UBR2: variants seen among roughly 807,000 people sequenced by gnomAD.
The protein encoded by UBR2 is E3 ubiquitin-protein ligase UBR2.
A neutral mutation model predicts 247.9 loss-of-function variants in UBR2; 92 were observed. The observed-to-expected ratio is 0.37, with a 90% CI of 0.31 to 0.44. UBR2 has a LOEUF of 0.44. Ranked by LOEUF, UBR2 falls within the 20% of genes least tolerant of loss-of-function variation. The pLI, the probability that UBR2 is intolerant of heterozygous loss-of-function variation, is 1.00. For missense variants in UBR2, 1,613 were observed against 2,112.6 expected (o/e 0.76, Z 4.64); for synonymous variants, 672 against 693.5 (o/e 0.97, Z 0.49).
At chr6:42,631,935 T>C (rs7773898) in intron 11 of UBR2, among the ~76,000 whole-genome samples, 32 of 139,442 alleles carry the variant, frequency 2.3e-4, no homozygotes, top group Admixed American at 1.6e-3. Flanking sequence ...CACATACATA[T>C]ACCATCTCTG....
rs767880366 is a variant in UBR2, at chr6:42,663,299, A to T, written c.3578A>T (p.Gln1193Leu). ...SVQAKEQRRQ[Q>L]RLRLHTSYDV... Reference sequence around the variant, plus strand: ...CAAGCTAAAGAACAGCGAAGGCAACAGAGATTACGCTTACATACGAGCTAT... The same window carrying T: ...CAAGCTAAAGAACAGCGAAGGCAACTGAGATTACGCTTACATACGAGCTAT... Residue 1193 changes from glutamine to leucine, a missense_variant, in exon 32 of 47, where the codon CAG (glutamine) becomes CTG (leucine). By Grantham distance (113) the Gln-to-Leu change is moderately radical (BLOSUM62 -2). This residue lies in a region of UBR2 where 1,524 missense variants were observed against 1,967.3 expected (regional missense o/e 0.77). Transcript: ENST00000372901. 1.9e-6 allele frequency: 3 copies of T among 1,612,918 alleles called. No individual in the cohort carries two copies. Among genetic ancestry groups the T allele is most frequent in the Non-Finnish European group, 2.5e-6 (3 of 1,179,676 alleles).
chr6:42,654,713 C>T lies in UBR2; in HGVS notation c.2770-908C>T, dbSNP rs149558901. On this transcript the variant is annotated intron_variant, in intron 25 of 46. Coordinates refer to ENST00000372901, the MANE Select transcript of UBR2 (RefSeq NM_001363705.2). ...CTCTAGCCTGGGCAACAGAGGGAGA[C>T]TCCGTCTCAAAAAACAAAAAAACTT... is the stretch of plus-strand genomic sequence containing the variant. 3.8e-3 allele frequency among the ~76,000 whole-genome samples: 575 copies of T among 152,184 alleles called. 1 individual carries two copies. Among genetic ancestry groups the T allele is most frequent in the Middle Eastern group, 6.8e-3 (2 of 294 alleles).
chr6:42,596,522 CA>C (rs765218848), intron 4 of UBR2, among the ~76,000 whole-genome samples: 1 of 152,106 alleles, frequency 6.6e-6, no homozygotes, highest in Non-Finnish European at 1.5e-5. Flanking sequence ...TGAGCAAGTA[CA>C]TGCACACACA....
intron 11 of UBR2, among the ~76,000 whole-genome samples, chr6:42,630,421 G>A (rs967195121): frequency 6.6e-6 from 1 of 151,626 alleles, no homozygotes; most frequent in South Asian, 2.1e-4. Context: ...CCTGACCTTA[G>A]GTGATCCACC....
chr6:42,607,500 C>T (rs545035829), intron 7 of UBR2, among the ~76,000 whole-genome samples: 110 of 151,272 alleles, frequency 7.3e-4, no homozygotes, highest in Non-Finnish European at 1.4e-3. Context: ...ATATGGAGGC[C>T]CCTGTATTAT....
intron 2 of UBR2, among the ~76,000 whole-genome samples, chr6:42,577,105 C>T (rs1225030999): frequency 6.6e-6 from 1 of 152,136 alleles, no homozygotes; most frequent in Non-Finnish European, 1.5e-5. Context: ...ATGAATATCT[C>T]ATTTTAAAAG....
chr6:42,654,721 C>CA (rs1562364346), intron 25 of UBR2, among the ~76,000 whole-genome samples: 1 of 151,740 alleles, frequency 6.6e-6, no homozygotes, highest in East Asian at 1.9e-4. Context: ...GACTCCGTCT[C>CA]AAAAAACAAA....
At position 42,652,146 on chromosome 6, in the gene UBR2, G is replaced by T. The variant is rs544132574; in HGVS notation, c.2614+75G>T. 9.6e-6 allele frequency: 13 copies of T among 1,350,878 alleles called. No homozygotes were observed. The African/African-American group carries it at 1.9e-4, about 20-fold the overall frequency. The allele number at this position is 1,350,878 out of a possible 1,614,324, so 83.7% of individuals were successfully genotyped here. On this transcript the variant is annotated intron_variant, in intron 24 of 46. Coordinates refer to ENST00000372901, the MANE Select transcript of UBR2 (RefSeq NM_001363705.2). ...AACATTGTTTTCTGTTAACTATGAT[G>T]ATTGTCCTTGGTGGAATGAATATTT... is the stretch of plus-strand genomic sequence containing the variant.
At chr6:42,642,390 C>T (rs1325343327) in intron 17 of UBR2, 26 bp from the exon 18 acceptor site, 1 of 1,507,222 alleles carries the variant, frequency 6.6e-7, no homozygotes, top group South Asian at 1.2e-5. Context: ...AAACTATTTA[C>T]TCAATATAAT....
Position 42,632,419 on chromosome 6 carries a change from A to G in UBR2, c.1282-133A>G, listed in dbSNP as rs537664789. On this transcript the variant is annotated intron_variant, in intron 11 of 46. Transcript: ENST00000372901. ...AATTGTTATTTAGAAATACACAGTA[A>G]TGCATTTATGATATATAGTTGTGTT... The G allele has an allele frequency of 2.4e-5, 17 of 695,724 alleles. No individual in the cohort carries two copies. The South Asian group carries it at 5.5e-4, about 22-fold the overall frequency. The allele number at this position is 695,724 out of a possible 1,614,324, so 43.1% of individuals were successfully genotyped here. A position where few individuals can be genotyped will look rare whatever the true frequency, so the allele number is the denominator to read the frequency against.
intron 11 of UBR2, among the ~76,000 whole-genome samples, chr6:42,623,461 G>GT (rs982097041): frequency 4.0e-4 from 61 of 151,702 alleles, no homozygotes; most frequent in Non-Finnish European, 6.0e-4. Context: ...TTGGTTTTGG[G>GT]TTTTTTTTGA....
chr6:42,632,072 AT>A (rs869252125), intron 11 of UBR2, among the ~76,000 whole-genome samples: 3,287 of 75,936 alleles, frequency 0.043, 56 homozygotes, highest in East Asian at 0.12. Flanking sequence ...AAAAAAAAAT[AT>A]ATATATATAT....
intron 28 of UBR2, 30 bp from the exon 29 acceptor site, chr6:42,658,616 A>G: frequency 6.4e-7 from 1 of 1,563,642 alleles, no homozygotes; most frequent in Non-Finnish European, 8.6e-7. Context: ...TTAGCATCTA[A>G]TTGTCTAATT....
In UBR2 at chr6:42,595,887, A is replaced by G. The variant is rs1281402833; in HGVS notation, c.531+1583A>G. Among the ~76,000 whole-genome samples, 3 of 152,064 alleles carry G rather than the reference A, an allele frequency of 2.0e-5. No individual in the cohort carries two copies. In the East Asian group the frequency reaches 5.8e-4, roughly 29 times the overall value. On this transcript the variant is annotated intron_variant, in intron 4 of 46. Coordinates refer to ENST00000372901, the MANE Select transcript of UBR2 (RefSeq NM_001363705.2). ...CATTTGCTTTGTGAAAGGGTTCTGT[A>G]ATTTGCTACAGTAAGATGCCAAGTG...
At chr6:42,632,956 CTCT>C (rs1795843502) in intron 13 of UBR2, 52 bp downstream of exon 13, 4 of 929,856 alleles carry the variant, frequency 4.3e-6, no homozygotes, top group Admixed American at 9.3e-5. Flanking sequence ...TTTCTCTTTT[CTCT>C]TTTTTTTTTT....
chr6:42,564,226 G>T lies in UBR2; in HGVS notation c.-94G>T, dbSNP rs1790640725. 2 of 1,430,732 alleles carry T rather than the reference G, an allele frequency of 1.4e-6. No homozygotes were observed. The highest frequency in any genetic ancestry group is 4.3e-5 in the Admixed American group (2 of 46,902). 88.6% of individuals were successfully genotyped at this position (1,430,732 alleles called of 1,614,324 possible). A position where few individuals can be genotyped will look rare whatever the true frequency, so the allele number is the denominator to read the frequency against. ...CACTTGGACGGCTCCGGGACTGATT[G>T]CCTGGGGCAGGGGTGGCAGTCGAGG... On this transcript the variant is annotated 5_prime_UTR_variant, in exon 1 of 47. Coordinates refer to ENST00000372901, the MANE Select transcript of UBR2 (RefSeq NM_001363705.2).
chr6:42,683,603 T>C (rs1799182320), intron 43 of UBR2, among the ~76,000 whole-genome samples: 1 of 152,220 alleles, frequency 6.6e-6, no homozygotes, highest in African/African-American at 2.4e-5. Flanking sequence ...ACAAGATGTG[T>C]CTCAATTGTT....
In UBR2 at chr6:42,571,799, G is replaced by A. The variant is rs115192568; in HGVS notation, c.79-1935G>A. On this transcript the variant is annotated intron_variant, in intron 1 of 46. Coordinates refer to ENST00000372901, the MANE Select transcript of UBR2 (RefSeq NM_001363705.2). Reference sequence around the variant, plus strand: ...ACTACCTTCATTCTTGTTTTGGTTTGCTGACAATGGGTGAAAAATGAGACA... The same window carrying A: ...ACTACCTTCATTCTTGTTTTGGTTTACTGACAATGGGTGAAAAATGAGACA... Among the ~76,000 whole-genome samples, 987 of 149,830 alleles carry A rather than the reference G, an allele frequency of 6.6e-3. 13 individuals are homozygous for A. Among genetic ancestry groups the A allele is most frequent in the African/African-American group, 0.023 (949 of 40,692 alleles).
At chr6:42,643,668 G>T (rs1192547491) in intron 18 of UBR2, among the ~76,000 whole-genome samples, 1 of 151,894 alleles carries the variant, frequency 6.6e-6, no homozygotes, top group Non-Finnish European at 1.5e-5. Flanking sequence ...ATAAAATCTA[G>T]GTTTATTTAT....
Sources: allele counts gnomAD v4.1 joint callset (sites outside exome capture counted in the v4.1 genomes callset), GRCh38; gene constraint gnomAD v4.1.1; regional missense constraint gnomAD v4.1.1; transcripts MANE v1.5; gene names NCBI Gene and HGNC (gene_info 2026-07-23, HGNC 2026-07-21).